The following CD1B variants were observed in gnomAD, a reference collection of about 807,000 sequenced individuals.
CD1B encodes the protein CD1b molecule.
Under a neutral mutation model 39.8 loss-of-function variants are expected in CD1B, and 43 were observed. The ratio of observed to expected loss-of-function variants is 1.08; its 90% CI spans 0.85 to 1.39. CD1B has a LOEUF of 1.39. CD1B is among the 40% of genes most tolerant of loss of function. The probability of loss-of-function intolerance (pLI) is 0.00; values close to 1 mark genes in which losing one functional copy is unlikely to be tolerated. For synonymous variants in CD1B, 192 were observed against 152.5 expected, an observed-to-expected ratio of 1.26 and a Z score of -1.91; for missense variants, 495 against 403.8, an observed-to-expected ratio of 1.23 and a Z score of -1.94.
At chr1:158,316,893 T>G in the CD1B span, among the ~76,000 whole-genome samples, 2 of 152,008 alleles carry the variant, frequency 1.3e-5, no homozygotes, top group Non-Finnish European at 2.9e-5. Context: ...GTCAAAGGTC[T>G]TTTCTGCATC....
the CD1B span, among the ~76,000 whole-genome samples, chr1:158,309,761 C>G: frequency 1.3e-5 from 2 of 149,554 alleles, no homozygotes; most frequent in Non-Finnish European, 2.9e-5. Flanking sequence ...TGTTCTCACT[C>G]ACCGGTGGGA....
rs745343574 is a variant in CD1B at position 158,329,968 on chromosome 1, G to A, written c.491C>T (p.Ala164Val). Residue 164 changes from alanine to valine, a missense_variant, in exon 3 of 6, where the codon GCA (alanine) becomes GTA (valine). Ala to Val is a moderately conservative substitution (Grantham distance 64). Transcript: ENST00000368168. ...GATACCTTGATATTGTATGATTAGT[G>A]CACAGAATTTCTGTGCCCTGCTGCC... ...EGGSRAQKFC[A>V]LIIQYQGIME... 1 of 1,614,030 alleles carries A rather than the reference G, an allele frequency of 6.2e-7. No homozygotes were observed. The highest frequency in any genetic ancestry group is 8.5e-7 in the Non-Finnish European group (1 of 1,180,004).
the CD1B span, among the ~76,000 whole-genome samples, chr1:158,318,037 A>G: frequency 6.6e-6 from 1 of 152,174 alleles, no homozygotes; most frequent in Admixed American, 6.5e-5. Context: ...ATAGTTTGTT[A>G]TAATTTCTGT....
chr1:158,294,919 C>A, the CD1B span, among the ~76,000 whole-genome samples: 2 of 151,984 alleles, frequency 1.3e-5, no homozygotes, highest in Non-Finnish European at 2.9e-5. Flanking sequence ...CTTCCCAGAT[C>A]TGGCAGGGCC....
the CD1B span, among the ~76,000 whole-genome samples, chr1:158,305,582 GC>G: frequency 6.6e-6 from 1 of 152,028 alleles, no homozygotes; most frequent in Non-Finnish European, 1.5e-5. Context: ...TACAGAGAAT[GC>G]CACAAAGATA....
chr1:158,288,299 C>T, the CD1B span, among the ~76,000 whole-genome samples: 1 of 152,176 alleles, frequency 6.6e-6, no homozygotes, highest in Non-Finnish European at 1.5e-5. Flanking sequence ...TTAACGTTGA[C>T]AAACCTAAGA....
chr1:158,293,722 T>C, the CD1B span: 1 of 849,776 alleles, frequency 1.2e-6, no homozygotes, highest in Non-Finnish European at 1.8e-6. Flanking sequence ...CCTTGACCCA[T>C]ACTGAACCCA....
In CD1B at chr1:158,329,319, C is replaced by T. The variant is rs747234796; in HGVS notation, c.886+51G>A. 2.5e-6 allele frequency: 4 copies of T among 1,577,308 alleles called. No individual in the cohort carries two copies. The South Asian group carries it at 3.5e-5, about 14-fold the overall frequency. On this transcript the variant is annotated intron_variant, in intron 4 of 5. Coordinates refer to ENST00000368168, the MANE Select transcript of CD1B (RefSeq NM_001764.3). Reference sequence around the variant, plus strand: ...TCCTTCCCCAGTGCCTCCCTCTATGCCTGAAGATCACTTCCTGGCATTTCC... The same window carrying T: ...TCCTTCCCCAGTGCCTCCCTCTATGTCTGAAGATCACTTCCTGGCATTTCC...
chr1:158,308,512 C>T, the CD1B span, among the ~76,000 whole-genome samples: 9,866 of 152,138 alleles, frequency 0.065, 452 homozygotes, highest in Non-Finnish European at 0.096. Context: ...AAAAAGAGCC[C>T]GCATTGCCAA....
At chr1:158,308,079 G>A in the CD1B span, among the ~76,000 whole-genome samples, 1 of 152,170 alleles carries the variant, frequency 6.6e-6, no homozygotes, top group Non-Finnish European at 1.5e-5. Flanking sequence ...TGTATATCTA[G>A]AAAACCCCAT....
chr1:158,291,979 C>T, the CD1B span: 1 of 1,127,418 alleles, frequency 8.9e-7, no homozygotes, highest in South Asian at 1.6e-5. Flanking sequence ...CTCTCACATC[C>T]ATGTAAAACT....
At chr1:158,325,004 T>A (rs906552627), downstream of CD1B, among the ~76,000 whole-genome samples, 10 of 152,036 alleles carry the variant, frequency 6.6e-5, no homozygotes, top group African/African-American at 2.2e-4. Context: ...AAAATATTGA[T>A]CACTTGTGGA....
chr1:158,317,864 G>C, the CD1B span, among the ~76,000 whole-genome samples: 49 of 152,162 alleles, frequency 3.2e-4, no homozygotes, highest in African/African-American at 1.1e-3. Context: ...TATGTTGTGT[G>C]TTTGTTCTTG....
At chr1:158,324,087 A>G (rs1460388845), downstream of CD1B, among the ~76,000 whole-genome samples, 1 of 152,226 alleles carries the variant, frequency 6.6e-6, no homozygotes, top group Non-Finnish European at 1.5e-5. Context: ...TTCACTGCCA[A>G]CATTTAACGG....
the CD1B span, among the ~76,000 whole-genome samples, chr1:158,312,266 G>T: frequency 3.3e-5 from 5 of 152,166 alleles, no homozygotes; most frequent in Admixed American, 2.0e-4. Flanking sequence ...CTGTTCTCAT[G>T]TTAGTGAATG....
the CD1B span, among the ~76,000 whole-genome samples, chr1:158,312,489 GTACAAAA>G: frequency 2.0e-5 from 3 of 152,118 alleles, no homozygotes; most frequent in African/African-American, 7.2e-5. Flanking sequence ...AAATGAACTA[GTACAAAA>G]TACCTTTCCA....
rs750523214 is a variant in CD1B at position 158,331,436 on chromosome 1, T to A, written c.-13A>T. On this transcript the variant is annotated 5_prime_UTR_variant, in exon 1 of 6. Coordinates refer to ENST00000368168, the MANE Select transcript of CD1B (RefSeq NM_001764.3). ...GCAGCAGCAGCATTTCACTGGGAGATGCAACTTCTTACTGGCAGAGCTGGT... is the reference window on the plus strand; with the variant it reads ...GCAGCAGCAGCATTTCACTGGGAGAAGCAACTTCTTACTGGCAGAGCTGGT... The A allele has an allele frequency of 1.2e-6, 2 of 1,611,664 alleles. No homozygotes were observed. The highest frequency in any genetic ancestry group is 2.2e-5 in the East Asian group (1 of 44,872).
At chr1:158,292,358 C>T in the CD1B span, 1 of 1,612,560 alleles carries the variant, frequency 6.2e-7, no homozygotes, top group African/African-American at 1.3e-5. Context: ...TGTATGTACA[C>T]AGGCAAGGTC....
At chr1:158,316,251 A>T in the CD1B span, among the ~76,000 whole-genome samples, 1 of 151,964 alleles carries the variant, frequency 6.6e-6, no homozygotes. Context: ...CTTGGGCAGT[A>T]TGGCCATTTT....
Sources: allele counts gnomAD v4.1 joint callset (sites outside exome capture counted in the v4.1 genomes callset), GRCh38; gene constraint gnomAD v4.1.1; transcripts MANE v1.5; gene names NCBI Gene and HGNC (gene_info 2026-07-23, HGNC 2026-07-21).